CEACAM20: variants seen among roughly 807,000 people sequenced by gnomAD.
The protein encoded by CEACAM20 is CEA cell adhesion molecule 20.
A neutral mutation model predicts 61.2 loss-of-function variants in CEACAM20; 50 were observed. The ratio of observed to expected loss-of-function variants is 0.82; its 90% CI spans 0.65 to 1.03. CEACAM20 has a LOEUF of 1.03. Among genes scored for constraint, CEACAM20 ranks in the 50% least tolerant of loss-of-function variants. The pLI is 0.00. For synonymous variants in CEACAM20, 282 were observed against 287.7 expected (o/e 0.98, Z 0.20); for missense variants, 683 against 736.4 (o/e 0.93, Z 0.84).
intron 4 of CEACAM20, 93 bp from the exon 5 acceptor site, chr19:44,520,845 C>T (rs75302460): frequency 1.6e-5 from 16 of 975,280 alleles, no homozygotes; most frequent in Non-Finnish European, 2.3e-5. Context: ...GGAGTGCGTG[C>T]GTGTGTGTGT....
chr19:44,520,858 G>A (rs1362123976), intron 4 of CEACAM20, 106 bp from the exon 5 acceptor site: 10 of 1,062,556 alleles, frequency 9.4e-6, no homozygotes, highest in Non-Finnish European at 1.1e-5. Flanking sequence ...GTGTGTGTGT[G>A]TGTGTGTGTG....
intron 2 of CEACAM20, 85 bp downstream of exon 2, chr19:44,525,016 T>C (rs1971484239): frequency 1.3e-6 from 2 of 1,548,936 alleles, no homozygotes; most frequent in East Asian, 4.7e-5. Flanking sequence ...AGATTCGTCC[T>C]CTGGGGACTT....
chr19:44,527,398 C>T (rs1017602385), intron 1 of CEACAM20, among the ~76,000 whole-genome samples: 66 of 152,150 alleles, frequency 4.3e-4, no homozygotes, highest in Non-Finnish European at 7.3e-5. Flanking sequence ...TGAATCTCAT[C>T]TTTGCCATTT....
chr19:44,528,783 C>G (rs1385905284), intron 1 of CEACAM20, among the ~76,000 whole-genome samples: 1 of 151,178 alleles, frequency 6.6e-6, no homozygotes, highest in Non-Finnish European at 1.5e-5. Context: ...GTCTCTGTCT[C>G]TCTGTGTCTG....
intron 1 of CEACAM20, 108 bp downstream of exon 1, chr19:44,529,350 G>A (rs1343404943): frequency 1.8e-5 from 16 of 883,748 alleles, no homozygotes; most frequent in Admixed American, 5.6e-5. Context: ...CTTTTTCCTC[G>A]AGTGCACACA....
intron 11 of CEACAM20, among the ~76,000 whole-genome samples, chr19:44,509,155 A>T (rs1269078074): frequency 6.6e-6 from 1 of 152,228 alleles, no homozygotes; most frequent in Non-Finnish European, 1.5e-5. Flanking sequence ...ATAAAATGGC[A>T]TGATGTCCAA....
intron 6 of CEACAM20, among the ~76,000 whole-genome samples, chr19:44,515,260 A>T (rs542867865): frequency 6.6e-5 from 9 of 135,778 alleles, no homozygotes; most frequent in Non-Finnish European, 1.1e-4. Context: ...TGATGATAGA[A>T]GCTGCTATCT....
intron 10 of CEACAM20, among the ~76,000 whole-genome samples, chr19:44,511,418 T>C (rs1360121587): frequency 6.6e-6 from 1 of 152,140 alleles, no homozygotes; most frequent in Non-Finnish European, 1.5e-5. Context: ...GGCAATCCAA[T>C]TCCAAGCCCT....
intron 4 of CEACAM20, 39 bp downstream of exon 4, chr19:44,522,595 C>A: frequency 6.3e-7 from 1 of 1,596,408 alleles, no homozygotes; most frequent in South Asian, 1.1e-5. Flanking sequence ...ATCTGACGCT[C>A]AGAAGAATGA....
rs1033705027 is a variant in CEACAM20 at position 44,517,328 on chromosome 19, A to C, written c.1031-104T>G. The C allele has an allele frequency of 2.9e-6, 4 of 1,377,602 alleles. No homozygotes were observed. In the African/African-American group the frequency reaches 5.7e-5, roughly 19 times the overall value. 85.3% of individuals were successfully genotyped at this position (1,377,602 alleles called of 1,614,324 possible). ...GGAATTTCAGTAAAATAAACAGAAC[A>C]TACTCCCTTTTCCTCCTTAGCTCTC... On this transcript the variant is annotated intron_variant, in intron 5 of 11. Transcript: ENST00000614924.
Position 44,516,928 on chromosome 19 carries a change from C to T in CEACAM20, c.1309+18G>A, listed in dbSNP as rs1479945587. 1 of 1,583,096 alleles carries T rather than the reference C, an allele frequency of 6.3e-7. No homozygotes were observed. The highest frequency in any genetic ancestry group is 8.6e-7 in the Non-Finnish European group (1 of 1,165,048). ...AGGCCCCTCGGGTCCTGGGAGAAGGCGACCCTGAGAGACTCACCTACCACC... is the reference window on the plus strand; with the variant it reads ...AGGCCCCTCGGGTCCTGGGAGAAGGTGACCCTGAGAGACTCACCTACCACC... On this transcript the variant is annotated intron_variant, in intron 6 of 11. Transcript: ENST00000614924.
At position 44,524,188 on chromosome 19, in the gene CEACAM20, G is replaced by T; in HGVS notation, c.270C>A (p.Cys90Ter). ...IEQKDMVTFY[C>*]TTKDVNITIH... ...TGGTAATGTTGACGTCCTTAGTGGT[G>T]CAGTAGAAGGTCACCATGTCCTTCT... Residue 90 changes from cysteine to a stop codon, truncating the protein, a stop_gained, in exon 3 of 12, where the codon TGC (cysteine) becomes TGA (stop). Transcript: ENST00000614924. LOFTEE classifies it high-confidence loss of function. The T allele has an allele frequency of 6.2e-7, 1 of 1,613,976 alleles. No individual in the cohort carries two copies. The highest frequency in any genetic ancestry group is 8.5e-7 in the Non-Finnish European group (1 of 1,179,858).
chr19:44,515,809 A>G (rs1466498720), intron 6 of CEACAM20, among the ~76,000 whole-genome samples: 2 of 152,142 alleles, frequency 1.3e-5, no homozygotes, highest in Non-Finnish European at 2.9e-5. Flanking sequence ...ACAAAAAAAT[A>G]TAAATAAAAA....
At position 44,529,482 on chromosome 19, in the gene CEACAM20, G is replaced by A; in HGVS notation, c.28C>T (p.His10Tyr). The change falls in exon 1 of 12, where the codon CAC becomes TAC. Residue 10 changes from histidine to tyrosine, a missense_variant. Coordinates refer to ENST00000614924, the MANE Select transcript of CEACAM20 (RefSeq NM_001102597.3). MGPADSWGH[H>Y]WMGILLSASL... ...CCTGAAAGCAGGATTCCCATCCAGT[G>A]GTGTCCCCATGAGTCAGCAGGCCCC... 1 of 1,613,548 alleles carries A rather than the reference G, an allele frequency of 6.2e-7. No homozygotes were observed. The highest frequency in any genetic ancestry group is 8.5e-7 in the Non-Finnish European group (1 of 1,179,802).
At chr19:44,529,404 A>T (rs1160546271) in intron 1 of CEACAM20, 54 bp downstream of exon 1, 2 of 1,452,562 alleles carry the variant, frequency 1.4e-6, no homozygotes, top group African/African-American at 3.0e-5. Flanking sequence ...ACCGCTGACA[A>T]ATAGATGCAT....
rs770276248 is a variant in CEACAM20 at position 44,529,546 on chromosome 19, T to C, written c.-37A>G. The stretch of plus-strand genomic sequence containing the variant: ...CCTGACTTCAGTGTGCCAGGCCGTC[T>C]GTCGCCCCGGCTTGCACACACAGAT... On this transcript the variant is annotated 5_prime_UTR_variant, in exon 1 of 12. Transcript: ENST00000614924. The C allele has an allele frequency of 1.2e-6, 2 of 1,608,198 alleles. No homozygotes were observed. The highest frequency in any genetic ancestry group is 1.7e-6 in the Non-Finnish European group (2 of 1,174,894).
intron 5 of CEACAM20, among the ~76,000 whole-genome samples, chr19:44,517,458 A>G (rs973006889): frequency 6.6e-6 from 1 of 152,046 alleles, no homozygotes; most frequent in Non-Finnish European, 1.5e-5. Flanking sequence ...AGCACTTTGG[A>G]AGGCCGAGGC....
intron 6 of CEACAM20, 33 bp from the exon 7 acceptor site, chr19:44,513,322 T>A: frequency 7.0e-7 from 1 of 1,437,406 alleles, no homozygotes; most frequent in Non-Finnish European, 9.8e-7. Flanking sequence ...GACCCAGGCT[T>A]GACACACCCT....
At position 44,512,943 on chromosome 19, in the gene CEACAM20, T is replaced by C; in HGVS notation, c.1438A>G (p.Lys480Glu). ...CIRNARRPSR[K>E]TTEDPSHETS... ...TCATGACTGGGGTCCTCTGTTGTTT[T>C]CCTTGAGGGCCTGAAACCCCAAAGC... Residue 480 changes from lysine to glutamate, a missense_variant, in exon 8 of 12, where the codon AAA becomes GAA. By Grantham distance (56) the Lys-to-Glu change is moderately conservative (BLOSUM62 1). Coordinates refer to ENST00000614924, the MANE Select transcript of CEACAM20 (RefSeq NM_001102597.3). The C allele has an allele frequency of 1.9e-6, 3 of 1,612,832 alleles. No individual in the cohort carries two copies. The highest frequency in any genetic ancestry group is 2.5e-6 in the Non-Finnish European group (3 of 1,179,396).
Sources: gnomAD v4.1 joint callset for allele counts (sites outside exome capture counted in the v4.1 genomes callset) on GRCh38, gnomAD v4.1.1 for gene constraint, MANE v1.5 for transcripts, NCBI Gene and HGNC (gene_info 2026-07-23, HGNC 2026-07-21) for gene names.